The following UBR4 variants were observed in gnomAD, a reference collection of about 807,000 sequenced individuals.
UBR4 encodes the protein ubiquitin protein ligase E3 component n-recognin 4.
UBR4 carries 124 observed loss-of-function variants against 575.6 expected under a neutral mutation model. That is an observed-to-expected ratio of 0.22 (90% CI 0.19 to 0.25). The LOEUF is 0.25. Among genes scored for constraint, UBR4 ranks in the 10% least tolerant of loss-of-function variants. The pLI, the probability that UBR4 is intolerant of heterozygous loss-of-function variation, is 1.00. For synonymous variants in UBR4, 2,455 were observed against 2,473.7 expected, an observed-to-expected ratio of 0.99 and a Z score of 0.22; for missense variants, 4,818 against 6,478.8, an observed-to-expected ratio of 0.74 and a Z score of 8.80.
Position 19,146,864 on chromosome 1 carries a change from A to G in UBR4, c.7766T>C (p.Val2589Ala), listed in dbSNP as rs2150149006. The change falls in exon 52 of 106, where the codon GTC becomes GCC. Residue 2589 changes from valine (V) to alanine (A), a missense_variant. Val to Ala is a moderately conservative substitution (Grantham distance 64). Coordinates refer to ENST00000375254, the MANE Select transcript of UBR4 (RefSeq NM_020765.3). ...GGGCAGCTTTGACTCCGTAAAGTGG[A>G]CAAGGTTGTTGGGGCGCATGATGGC... ...SIAIMRPNNLVHFTESKLPQM... is the reference protein window; with the variant it reads ...SIAIMRPNNLAHFTESKLPQM... 6.2e-7 allele frequency: 1 copy of G among 1,614,098 alleles called. No individual in the cohort carries two copies. Among genetic ancestry groups the G allele is most frequent in the East Asian group, 2.2e-5 (1 of 44,882 alleles).
chr1:19,124,965 T>C (rs1016048533), intron 64 of UBR4, among the ~76,000 whole-genome samples: 2 of 151,994 alleles, frequency 1.3e-5, no homozygotes, highest in African/African-American at 2.4e-5. Flanking sequence ...ATTGGGTTGA[T>C]TGTACTCTGC....
chr1:19,206,619 A>G (rs1198547786), intron 1 of UBR4, among the ~76,000 whole-genome samples: 1 of 152,132 alleles, frequency 6.6e-6, no homozygotes. Flanking sequence ...TACAGGCGTG[A>G]GCCACTGCGC....
intron 11 of UBR4, among the ~76,000 whole-genome samples, chr1:19,190,312 A>ATAT (rs1553226958): frequency 5.1e-4 from 41 of 79,912 alleles, no homozygotes; most frequent in African/African-American, 1.9e-3. Context: ...AAAAAAAAAA[A>ATAT]ATATATATAT....
chr1:19,099,011 A>G (rs960500667), intron 90 of UBR4, among the ~76,000 whole-genome samples: 1 of 152,226 alleles, frequency 6.6e-6, no homozygotes, highest in Non-Finnish European at 1.5e-5. Flanking sequence ...AAGGAGGGAA[A>G]GGTGAAGGGG....
rs777229781 is a variant in UBR4 at position 19,161,147 on chromosome 1, C to A, written c.5176G>T (p.Ala1726Ser). 1 of 1,613,594 alleles carries A rather than the reference C, an allele frequency of 6.2e-7. No homozygotes were observed. Among genetic ancestry groups the A allele is most frequent in the Non-Finnish European group, 8.5e-7 (1 of 1,179,860 alleles). Residue 1726 changes from alanine (A) to serine (S), a missense_variant and splice_region_variant, in exon 38 of 106, where the codon GCT becomes TCT. Physicochemically the swap from Ala to Ser is moderately conservative, Grantham distance 99. Around this residue, in one of 29 missense-constraint regions of UBR4, gnomAD observed 159 missense variants for 174.6 expected, o/e 0.91. Coordinates refer to ENST00000375254, the MANE Select transcript of UBR4 (RefSeq NM_020765.3). The part of the protein sequence containing the change: ...CGAKEDGSCL[A>S]LVKRTPSSGM... The stretch of plus-strand genomic sequence containing the variant: ...CTGCTAGGAGTTCTCTTCACCAGAG[C>A]CTAGGGACAGAAAATGTCAGAGTCC...
Position 19,145,874 on chromosome 1 carries a change from T to C in UBR4, c.7864A>G (p.Ile2622Val). The change falls in exon 53 of 106, where the codon ATC (isoleucine) becomes GTC (valine). Residue 2622 changes from isoleucine (I) to valine (V), a missense_variant. Ile to Val is a conservative substitution (Grantham distance 29). This residue lies in a region of UBR4 where 340 missense variants were observed against 375.4 expected (regional missense o/e 0.91). Transcript: ENST00000375254. Reference sequence around the variant, plus strand: ...CAGAAGTGGTTCACAAGCTGGGTGATGAAACTACAGCAATCTCCTTCCAAC... The same window carrying C: ...CAGAAGTGGTTCACAAGCTGGGTGACGAAACTACAGCAATCTCCTTCCAAC... Reference protein sequence around the residue: ...KQLEGDCCSFITQLVNHFWKL... With the variant: ...KQLEGDCCSFVTQLVNHFWKL... 1 of 1,614,228 alleles carries C rather than the reference T, an allele frequency of 6.2e-7. No homozygotes were observed.
Position 19,141,671 on chromosome 1 carries a change from C to T in UBR4, c.8286G>A (p.Val2762=). ...CCACCATCTCAAAATCTCCATGGTC[C>T]ACCTCACTCTGTTCCTGGCTTTCCT... ...IRQESQEQSE[V]DHGDFEMVSE... Residue 2762 remains valine (V), a synonymous_variant, in exon 56 of 106, where the codon GTG becomes GTA. Transcript: ENST00000375254. The T allele has an allele frequency of 1.2e-6, 2 of 1,614,196 alleles. No homozygotes were observed. Among genetic ancestry groups the T allele is most frequent in the Non-Finnish European group, 1.7e-6 (2 of 1,180,014 alleles).
intron 1 of UBR4, among the ~76,000 whole-genome samples, chr1:19,205,798 C>T (rs2092976903): frequency 6.6e-6 from 1 of 152,184 alleles, no homozygotes; most frequent in Admixed American, 6.5e-5. Context: ...CTCCCCCTTC[C>T]AAAGTAGGTG....
At chr1:19,180,783 G>A (rs938730229) in intron 17 of UBR4, among the ~76,000 whole-genome samples, 1 of 151,934 alleles carries the variant, frequency 6.6e-6, no homozygotes, top group Non-Finnish European at 1.5e-5. Flanking sequence ...ACATTCCATA[G>A]GAACCTGGTC....
At chr1:19,127,838 T>A in intron 62 of UBR4, 99 bp from the exon 63 acceptor site, 5 of 984,712 alleles carry the variant, frequency 5.1e-6, no homozygotes, top group Non-Finnish European at 4.7e-6. Flanking sequence ...AGCCCTAAAA[T>A]GTTCCTCAGA....
At chr1:19,113,623 G>A in intron 77 of UBR4, 76 bp downstream of exon 77, 1 of 1,579,194 alleles carries the variant, frequency 6.3e-7, no homozygotes, top group South Asian at 1.2e-5. Context: ...AGATGAGAGA[G>A]CAGCAGGACT....
In UBR4 at chr1:19,131,788, G is replaced by A. The variant is rs573530754; in HGVS notation, c.8907-2714C>T. ...TTTGGGAGGCTGAGGCAGGAGAATCGCTTGAACCCGGGCGGCAGAGGTTGT... is the reference window on the plus strand; with the variant it reads ...TTTGGGAGGCTGAGGCAGGAGAATCACTTGAACCCGGGCGGCAGAGGTTGT... On this transcript the variant is annotated intron_variant, in intron 60 of 105. Coordinates refer to ENST00000375254, the MANE Select transcript of UBR4 (RefSeq NM_020765.3). Among the ~76,000 whole-genome samples the A allele has an allele frequency of 3.9e-5, 6 of 152,144 alleles. 1 individual carries two copies. The highest frequency in any genetic ancestry group is 7.4e-5 in the Non-Finnish European group (5 of 68,018).
At chr1:19,141,039 T>C in intron 57 of UBR4, 147 bp from the exon 58 acceptor site, 4 of 858,806 alleles carry the variant, frequency 4.7e-6, no homozygotes, top group South Asian at 1.7e-5. Flanking sequence ...GCCACTGCTG[T>C]CCACCCACCA....
intron 25 of UBR4, 113 bp from the exon 26 acceptor site, chr1:19,170,996 T>C: frequency 6.9e-7 from 1 of 1,459,624 alleles, no homozygotes; most frequent in East Asian, 2.3e-5. Context: ...ATCTATTTAA[T>C]GTAGTTGATA....
At chr1:19,132,605 T>TAAAAAAAAAAAAAAAAAAAAAAAAGA in intron 60 of UBR4, among the ~76,000 whole-genome samples, 2 of 24,126 alleles carry the variant, frequency 8.3e-5, no homozygotes, top group Non-Finnish European at 1.5e-4. Flanking sequence ...TAAAAAATGG[T>TAAAAAAAAAAAAAAAAAAAAAAAAGA]AAAAAAAAAA....
Position 19,144,885 on chromosome 1 carries a change from A to C in UBR4, c.7968T>G (p.Thr2656=). 6.2e-7 allele frequency: 1 copy of C among 1,614,152 alleles called. No homozygotes were observed. Among genetic ancestry groups the C allele is most frequent in the Non-Finnish European group, 8.5e-7 (1 of 1,180,000 alleles). ...CLPGLTHIEA[T]VNALVDIIHG... The stretch of plus-strand genomic sequence containing the variant: ...GGATGATGTCCACCAGAGCATTGAC[A>C]GTAGCTTCAATATGAGTTAGTCCTA... The change falls in exon 54 of 106, where the codon ACT becomes ACG. Residue 2656 remains threonine (T), a synonymous_variant. Coordinates refer to ENST00000375254, the MANE Select transcript of UBR4 (RefSeq NM_020765.3).
chr1:19,196,696 C>A (rs1369963462), intron 8 of UBR4, among the ~76,000 whole-genome samples: 1 of 152,182 alleles, frequency 6.6e-6, no homozygotes, highest in Non-Finnish European at 1.5e-5. Flanking sequence ...CAAACCTGAT[C>A]CCACAGCAAG....
intron 84 of UBR4, 150 bp downstream of exon 84, chr1:19,105,583 T>A (rs1244427759): frequency 1.6e-6 from 1 of 626,142 alleles, no homozygotes; most frequent in African/African-American, 1.9e-5. Flanking sequence ...CTACCATCAC[T>A]AAAAGTCAGC....
intron 60 of UBR4, among the ~76,000 whole-genome samples, 199 bp downstream of exon 60, chr1:19,137,808 G>A (rs960410536): frequency 9.9e-5 from 15 of 152,134 alleles, no homozygotes; most frequent in Admixed American, 5.2e-4. Flanking sequence ...TATTCTCTCC[G>A]TAATTAATAT....
Sources: gnomAD v4.1 joint callset for allele counts (sites outside exome capture counted in the v4.1 genomes callset) on GRCh38, gnomAD v4.1.1 for gene constraint, gnomAD v4.1.1 regional missense constraint, MANE v1.5 for transcripts, NCBI Gene and HGNC (gene_info 2026-07-23, HGNC 2026-07-21) for gene names.